ADAMTSL1: variants seen among roughly 807,000 people sequenced by gnomAD.
The protein encoded by ADAMTSL1 is ADAMTS-like protein 1.
A neutral mutation model predicts 201.8 loss-of-function variants in ADAMTSL1; 126 were observed. The ratio of observed to expected loss-of-function variants is 0.62; its 90% CI spans 0.54 to 0.72. The LOEUF (loss-of-function observed/expected upper bound fraction) is 0.72. ADAMTSL1 is among the 30% of genes least tolerant of loss of function. The probability of loss-of-function intolerance (pLI) is 0.00; values close to 1 mark genes in which losing one functional copy is unlikely to be tolerated. For missense variants in ADAMTSL1, 2,679 were observed against 2,277.8 expected (o/e 1.18, Z -3.59); for synonymous variants, 1,121 against 903.4 (o/e 1.24, Z -4.32).
At chr9:18,853,899 G>GTC (rs1826672079) in intron 23 of ADAMTSL1, among the ~76,000 whole-genome samples, 1 of 117,026 alleles carries the variant, frequency 8.5e-6, no homozygotes, top group African/African-American at 2.8e-5. Context: ...CTGTGTGTGT[G>GTC]TGTGTGTGTG....
At chr9:18,279,576 C>T (rs1416929570) in intron 2 of ADAMTSL1, among the ~76,000 whole-genome samples, 14 of 150,958 alleles carry the variant, frequency 9.3e-5, no homozygotes, top group Non-Finnish European at 1.8e-4. Context: ...CTTCACCAAT[C>T]GGGGAAACAT....
intron 20 of ADAMTSL1, among the ~76,000 whole-genome samples, chr9:18,806,155 C>A (rs1291819819): frequency 4.6e-5 from 7 of 152,310 alleles, no homozygotes; most frequent in Admixed American, 4.6e-4. Context: ...GTTCATTAAG[C>A]CTGGGTTAAA....
At chr9:18,571,701 A>G (rs1197943827) in intron 3 of ADAMTSL1, among the ~76,000 whole-genome samples, 1 of 152,168 alleles carries the variant, frequency 6.6e-6, no homozygotes, top group Non-Finnish European at 1.5e-5. Flanking sequence ...CTACGTGTAG[A>G]GTTTGGGGGC....
At chr9:18,009,349 T>C (rs1819959083) in intron 1 of ADAMTSL1, among the ~76,000 whole-genome samples, 1 of 152,008 alleles carries the variant, frequency 6.6e-6, no homozygotes, top group South Asian at 2.1e-4. Context: ...TGTAAAACCT[T>C]GTACTCACTT....
chr9:18,080,047 G>T (rs774646146), intron 1 of ADAMTSL1, among the ~76,000 whole-genome samples: 2 of 152,202 alleles, frequency 1.3e-5, no homozygotes, highest in Non-Finnish European at 2.9e-5. Context: ...GATGACAAGG[G>T]TCCAAGTGTT....
At chr9:17,971,023 A>T (rs997744499) in intron 1 of ADAMTSL1, among the ~76,000 whole-genome samples, 8 of 152,116 alleles carry the variant, frequency 5.3e-5, no homozygotes, top group African/African-American at 1.9e-4. Context: ...GGTTATTGTT[A>T]CATAAATATC....
chr9:18,271,289 G>A (rs1019884787), intron 2 of ADAMTSL1, among the ~76,000 whole-genome samples: 4 of 151,958 alleles, frequency 2.6e-5, no homozygotes, highest in Non-Finnish European at 4.4e-5. Context: ...CCATTAACTC[G>A]TCATTTACAT....
intron 15 of ADAMTSL1, among the ~76,000 whole-genome samples, chr9:18,734,688 A>C (rs1410869683): frequency 6.6e-6 from 1 of 152,232 alleles, no homozygotes; most frequent in Non-Finnish European, 1.5e-5. Flanking sequence ...TCCAGGTTAG[A>C]GAAGGTGACC....
At chr9:18,639,949 A>G (rs1213495560) in intron 7 of ADAMTSL1, among the ~76,000 whole-genome samples, 2 of 152,166 alleles carry the variant, frequency 1.3e-5, no homozygotes. Context: ...AAGTGCACAC[A>G]CTAGAAGAAC....
chr9:18,755,556 G>A (rs767692409), intron 16 of ADAMTSL1, among the ~76,000 whole-genome samples: 2 of 152,042 alleles, frequency 1.3e-5, no homozygotes, highest in Non-Finnish European at 2.9e-5. Flanking sequence ...ATAGCCACAC[G>A]TGCTGCTGAA....
chr9:18,114,869 A>G (rs181411287), intron 1 of ADAMTSL1, among the ~76,000 whole-genome samples: 5 of 152,280 alleles, frequency 3.3e-5, no homozygotes, highest in Non-Finnish European at 5.9e-5. Flanking sequence ...CAGGCCTAAC[A>G]AGGTGGAGAC....
At chr9:18,082,754 AAG>A (rs1362178267) in intron 1 of ADAMTSL1, among the ~76,000 whole-genome samples, 1 of 152,210 alleles carries the variant, frequency 6.6e-6, no homozygotes, top group African/African-American at 2.4e-5. Flanking sequence ...CTGCAGGAGA[AAG>A]AGAAGCTGAG....
At chr9:18,668,482 T>C (rs1255491016) in intron 9 of ADAMTSL1, among the ~76,000 whole-genome samples, 3 of 152,234 alleles carry the variant, frequency 2.0e-5, no homozygotes, top group Non-Finnish European at 4.4e-5. Flanking sequence ...TTTTAAAGTG[T>C]AATTATTTGT....
At chr9:18,844,986 C>G (rs1437046596) in intron 23 of ADAMTSL1, among the ~76,000 whole-genome samples, 1 of 152,252 alleles carries the variant, frequency 6.6e-6, no homozygotes, top group Non-Finnish European at 1.5e-5. Flanking sequence ...ACCCCTTGCG[C>G]TTCCCGAGTG....
chr9:18,060,011 A>T (rs558105077), intron 1 of ADAMTSL1, among the ~76,000 whole-genome samples: 170 of 152,334 alleles, frequency 1.1e-3, no homozygotes, highest in African/African-American at 3.9e-3. Context: ...AAAATAGTAG[A>T]TAGTAACATA....
intron 2 of ADAMTSL1, among the ~76,000 whole-genome samples, chr9:18,193,364 T>C (rs1829047538): frequency 6.6e-6 from 1 of 152,000 alleles, no homozygotes; most frequent in Non-Finnish European, 1.5e-5. Context: ...CATGATAACA[T>C]GGAATATGCA....
At chr9:18,033,679 G>T (rs955697015) in intron 1 of ADAMTSL1, among the ~76,000 whole-genome samples, 5 of 152,120 alleles carry the variant, frequency 3.3e-5, no homozygotes, top group African/African-American at 1.2e-4. Context: ...AGACAACCAA[G>T]TTTCATATTC....
At chr9:18,029,959 C>T (rs1820873711) in intron 1 of ADAMTSL1, among the ~76,000 whole-genome samples, 3 of 151,492 alleles carry the variant, frequency 2.0e-5, no homozygotes, top group African/African-American at 7.3e-5. Flanking sequence ...GGACTGTAAA[C>T]TAGTTCAACC....
intron 1 of ADAMTSL1, among the ~76,000 whole-genome samples, chr9:18,058,300 A>G (rs367768968): frequency 3.8e-4 from 58 of 152,328 alleles, no homozygotes; most frequent in African/African-American, 1.2e-3. Context: ...TGCTAGAGAA[A>G]TCTATCTGCT....
Sources: allele counts gnomAD v4.1 joint callset (sites outside exome capture counted in the v4.1 genomes callset), GRCh38; gene constraint gnomAD v4.1.1; transcripts MANE v1.5; gene names NCBI Gene and HGNC (gene_info 2026-07-23, HGNC 2026-07-21).